SP1: variants seen among roughly 807,000 people sequenced by gnomAD.
SP1 encodes the protein Sp1 transcription factor, also known as transcription factor Sp1.
In SP1, 6 loss-of-function variants were observed where a neutral mutation model predicts 66.3. That is an observed-to-expected ratio of 0.09 (90% CI 0.05 to 0.18). The LOEUF (loss-of-function observed/expected upper bound fraction) is 0.18. Ranked by LOEUF, SP1 falls within the 10% of genes least tolerant of loss-of-function variation. The pLI, the probability that SP1 is intolerant of heterozygous loss-of-function variation, is 1.00. For synonymous variants in SP1, 417 were observed against 360.8 expected, an observed-to-expected ratio of 1.16 and a Z score of -1.77; for missense variants, 848 against 964.5, an observed-to-expected ratio of 0.88 and a Z score of 1.60.
intron 3 of SP1, among the ~76,000 whole-genome samples, chr12:53,385,328 G>C (rs1288722637): frequency 6.6e-6 from 1 of 151,416 alleles, no homozygotes; most frequent in African/African-American, 2.4e-5. Flanking sequence ...GGGCGCGGTG[G>C]CTCACGCCTG....
In SP1 at chr12:53,383,298, A is replaced by C. The variant is rs1938151867; in HGVS notation, c.1351A>C (p.Ile451Leu). Residue 451 changes from isoleucine to leucine, a missense_variant, in exon 3 of 6, where the codon ATC (isoleucine) becomes CTC (leucine). Transcript: ENST00000327443. ...TGTTCCAAACTCTGGTCCCATCATC[A>C]TCCGGACACCAACAGTGGGGCCCAA... ...QAVPNSGPII[I>L]RTPTVGPNGQ... The C allele has an allele frequency of 6.2e-7, 1 of 1,614,082 alleles. No individual in the cohort carries two copies. The highest frequency in any genetic ancestry group is 8.5e-7 in the Non-Finnish European group (1 of 1,180,036).
chr12:53,392,547 C>T (rs1258053805), intron 3 of SP1, among the ~76,000 whole-genome samples: 5 of 150,878 alleles, frequency 3.3e-5, no homozygotes, highest in African/African-American at 7.3e-5. Flanking sequence ...TTAGTAGAGA[C>T]GGGGTTTCAC....
intron 3 of SP1, among the ~76,000 whole-genome samples, chr12:53,385,059 C>G (rs1194891144): frequency 1.3e-5 from 2 of 151,148 alleles, no homozygotes; most frequent in African/African-American, 4.9e-5. Context: ...CTTTGGGAGG[C>G]TGAGGTGGGT....
chr12:53,402,608 G>C (rs971090967), intron 3 of SP1, among the ~76,000 whole-genome samples: 1 of 151,876 alleles, frequency 6.6e-6, no homozygotes, highest in African/African-American at 2.4e-5. Flanking sequence ...GGAGACCAAG[G>C]GGGGCGGATC....
At chr12:53,399,706 C>G (rs1043549887) in intron 3 of SP1, among the ~76,000 whole-genome samples, 1 of 151,646 alleles carries the variant, frequency 6.6e-6, no homozygotes, top group Non-Finnish European at 1.5e-5. Flanking sequence ...GCACGATCTC[C>G]GGCTCACCGC....
In SP1 at chr12:53,381,831, A is replaced by C; in HGVS notation, c.162+18A>C. ...GAGGGCAGGTAAGTGATAATCATAG[A>C]GTGGGGAAGGTGTTGAGAAGATGTA... On this transcript the variant is annotated intron_variant, in intron 2 of 5. Transcript: ENST00000327443. The C allele has an allele frequency of 6.2e-7, 1 of 1,607,018 alleles. No homozygotes were observed. The highest frequency in any genetic ancestry group is 8.5e-7 in the Non-Finnish European group (1 of 1,177,480).
At chr12:53,397,036 CG>C (rs1938507301) in intron 3 of SP1, among the ~76,000 whole-genome samples, 2 of 151,552 alleles carry the variant, frequency 1.3e-5, no homozygotes, top group Admixed American at 6.6e-5. Context: ...TTGTTTTGAG[CG>C]GGAGTTTTGC....
intron 3 of SP1, among the ~76,000 whole-genome samples, chr12:53,395,601 C>T (rs1276176881): frequency 6.6e-6 from 1 of 152,054 alleles, no homozygotes; most frequent in Non-Finnish European, 1.5e-5. Flanking sequence ...CCTTCATAGA[C>T]AGATTTAGCA....
intron 3 of SP1, among the ~76,000 whole-genome samples, chr12:53,402,375 C>T (rs572029885): frequency 2.6e-5 from 4 of 152,148 alleles, no homozygotes; most frequent in Admixed American, 2.6e-4. Context: ...AGGCATGCGC[C>T]ACCATGCCCG....
At chr12:53,406,304 G>A (rs2608300) in intron 3 of SP1, among the ~76,000 whole-genome samples, 1 of 151,814 alleles carries the variant, frequency 6.6e-6, no homozygotes, top group African/African-American at 2.4e-5. Context: ...CCTGACCTCA[G>A]GTGATCCGCC....
Position 53,380,271 on chromosome 12 carries a change from G to A in SP1, c.-21G>A, listed in dbSNP as rs1938051188. 1 of 1,516,414 alleles carries A rather than the reference G, an allele frequency of 6.6e-7. No individual in the cohort carries two copies. The highest frequency in any genetic ancestry group is 9.1e-7 in the Non-Finnish European group (1 of 1,097,656). The allele number at this position is 1,516,414 out of a possible 1,614,324, so 93.9% of individuals were successfully genotyped here. A position where few individuals can be genotyped will look rare whatever the true frequency, so the allele number is the denominator to read the frequency against. On this transcript the variant is annotated 5_prime_UTR_variant, in exon 1 of 6. Transcript: ENST00000327443. ...ACCCCCCCGGACAGGACCCCCTTGA[G>A]CTTGTCCCTCAGCTGCCACCATGAG...
rs764626059 is a variant in SP1, at chr12:53,382,934, T to C, written c.987T>C (p.Thr329=). ...SFFTNANSYS[T]TTTTSNMGIM... is the part of the protein sequence containing the mutation. ...TCACCAATGCCAATAGCTACTCAAC[T>C]ACTACTACCACCAGCAACATGGGAA... is the stretch of plus-strand genomic sequence containing the variant. Residue 329 remains threonine, a synonymous_variant, in exon 3 of 6, where the codon ACT becomes ACC. Coordinates refer to ENST00000327443, the MANE Select transcript of SP1 (RefSeq NM_138473.3). The C allele has an allele frequency of 1.1e-5, 18 of 1,613,950 alleles. No individual in the cohort carries two copies. Among genetic ancestry groups the C allele is most frequent in the Non-Finnish European group, 5.9e-6 (7 of 1,179,968 alleles).
Position 53,411,356 on chromosome 12 carries a change from G to A in SP1, c.*116G>A. 1 of 816,046 alleles carries A rather than the reference G, an allele frequency of 1.2e-6. No individual in the cohort carries two copies. The allele number at this position is 816,046 out of a possible 1,614,324, so 50.6% of individuals were successfully genotyped here. A position where few individuals can be genotyped will look rare whatever the true frequency, so the allele number is the denominator to read the frequency against. On this transcript the variant is annotated 3_prime_UTR_variant, in exon 6 of 6. Transcript: ENST00000327443. ...GCCATGAAGCATTAAAATGCATGGT[G>A]TTGAGAAGAATCAGGAGAGGGATAC...
chr12:53,400,915 C>T (rs945994347), intron 3 of SP1, among the ~76,000 whole-genome samples: 4 of 151,860 alleles, frequency 2.6e-5, no homozygotes, highest in African/African-American at 9.7e-5. Flanking sequence ...GTGCCCACCA[C>T]CATGCCTGGC....
In SP1 at chr12:53,411,214, A is replaced by G. The variant is rs746034827; in HGVS notation, c.2332A>G (p.Ile778Val). Reference protein sequence around the residue: ...NVMQVADLQSINISGNGF With the variant: ...NVMQVADLQSVNISGNGF Reference sequence around the variant, plus strand: ...CATGCAGGTGGCAGATCTGCAGTCCATTAATATCAGTGGCAATGGCTTCTG... The same window carrying G: ...CATGCAGGTGGCAGATCTGCAGTCCGTTAATATCAGTGGCAATGGCTTCTG... Residue 778 changes from isoleucine (I) to valine (V), a missense_variant, in exon 6 of 6, where the codon ATT becomes GTT. Transcript: ENST00000327443. 5.0e-6 allele frequency: 8 copies of G among 1,612,274 alleles called. No homozygotes were observed. In the Admixed American group the frequency reaches 1.3e-4, roughly 27 times the overall value.
At chr12:53,386,508 G>C (rs1214106248) in intron 3 of SP1, among the ~76,000 whole-genome samples, 2 of 108,944 alleles carry the variant, frequency 1.8e-5, no homozygotes, top group Non-Finnish European at 3.5e-5. Context: ...TCATTTTTGA[G>C]ACTGAGTCTT....
rs916309691 is a variant in SP1 at position 53,414,894 on chromosome 12, G to A, written c.*3654G>A. 1 of 152,590 alleles carries A rather than the reference G, an allele frequency of 6.6e-6. No homozygotes were observed. The highest frequency in any genetic ancestry group is 2.4e-5 in the African/African-American group (1 of 41,430). 9.5% of individuals were successfully genotyped at this position (152,590 alleles called of 1,614,324 possible). A position where few individuals can be genotyped will look rare whatever the true frequency, so the allele number is the denominator to read the frequency against. On this transcript the variant is annotated 3_prime_UTR_variant, in exon 6 of 6. Coordinates refer to ENST00000327443, the MANE Select transcript of SP1 (RefSeq NM_138473.3). ...TTTGGACCTTGGGATCAGATCAAGA[G>A]TTTTGGAGATCAGGTACCAAGGAAA...
intron 3 of SP1, among the ~76,000 whole-genome samples, chr12:53,400,127 A>T (rs1210073564): frequency 6.6e-6 from 1 of 152,178 alleles, no homozygotes; most frequent in African/African-American, 2.4e-5. Context: ...CATTTTGATC[A>T]TCCAACAAAG....
In SP1 at chr12:53,381,784, A is replaced by C. The variant is rs770469046; in HGVS notation, c.133A>C (p.Ser45Arg). The stretch of plus-strand genomic sequence containing the variant: ...ACAGGCTCGAAGTAGCAGCACAGGC[A>C]GTAGCAGCAGCACTGGAGGAGGAGG... The part of the protein sequence containing the change: ...FSQARSSSTG[S>R]SSSTGGGGQE... The change falls in exon 2 of 6, where the codon AGT (serine) becomes CGT (arginine). Residue 45 changes from serine (S) to arginine (R), a missense_variant. Physicochemically the swap from Ser to Arg is moderately radical, Grantham distance 110. Transcript: ENST00000327443. The C allele has an allele frequency of 6.2e-7, 1 of 1,614,122 alleles. No homozygotes were observed. Among genetic ancestry groups the C allele is most frequent in the Non-Finnish European group, 8.5e-7 (1 of 1,179,992 alleles).
Sources: allele counts gnomAD v4.1 joint callset (sites outside exome capture counted in the v4.1 genomes callset), GRCh38; gene constraint gnomAD v4.1.1; transcripts MANE v1.5; gene names NCBI Gene and HGNC (gene_info 2026-07-23, HGNC 2026-07-21).